Variants in PRKAR1A observed in about 807,000 individuals in gnomAD.
The protein encoded by PRKAR1A is cAMP-dependent protein kinase type I-alpha regulatory subunit.
PRKAR1A carries 3 observed loss-of-function variants against 52.0 expected under a neutral mutation model. That is an observed-to-expected ratio of 0.06 (90% CI 0.03 to 0.15). The LOEUF (loss-of-function observed/expected upper bound fraction) is 0.15. PRKAR1A is among the 10% of genes least tolerant of loss of function. PRKAR1A has a pLI of 1.00. For synonymous variants in PRKAR1A, 188 were observed against 168.4 expected (o/e 1.12, Z -0.90); for missense variants, 240 against 477.4 (o/e 0.50, Z 4.63).
At chr17:68,493,461 C>T in the PRKAR1A span, among the ~76,000 whole-genome samples, 5 of 152,098 alleles carry the variant, frequency 3.3e-5, no homozygotes, top group Admixed American at 3.3e-4. Flanking sequence ...TAGCTGATTC[C>T]CCCCGCACGT....
chr17:68,492,200 A>G, the PRKAR1A span, among the ~76,000 whole-genome samples: 3 of 152,208 alleles, frequency 2.0e-5, no homozygotes, highest in Non-Finnish European at 2.9e-5. Flanking sequence ...GCAGGTGCTC[A>G]AGGCCGCTTT....
At chr17:68,464,953 T>G in the PRKAR1A span, among the ~76,000 whole-genome samples, 1 of 146,312 alleles carries the variant, frequency 6.8e-6, no homozygotes, top group Non-Finnish European at 1.5e-5. Context: ...TTAGACGGAG[T>G]CTTGCTCTGT....
chr17:68,434,650 T>A, the PRKAR1A span: 1 of 1,613,076 alleles, frequency 6.2e-7, no homozygotes, highest in Admixed American at 1.7e-5. Flanking sequence ...CAGGTGGACA[T>A]TTCATAACCA....
chr17:68,510,372 G>A (rs191328270), upstream of PRKAR1A, among the ~76,000 whole-genome samples: 43 of 152,234 alleles, frequency 2.8e-4, no homozygotes, highest in East Asian at 8.3e-3. Flanking sequence ...TATGTGTAAA[G>A]CCCTTAGATC....
At chr17:68,444,378 A>G in the PRKAR1A span, 2 of 905,688 alleles carry the variant, frequency 2.2e-6, no homozygotes. Context: ...AAACCTCACT[A>G]AGACTCAAAA....
chr17:68,540,564 G>C lies in PRKAR1A; in HGVS notation c.974-10520G>C, dbSNP rs772449088. The C allele has an allele frequency of 2.3e-4, 121 of 535,136 alleles. No homozygotes were observed. The Admixed American group carries it at 2.7e-3, about 12-fold the overall frequency. The allele number at this position is 535,136 out of a possible 1,614,324, so 33.1% of individuals were successfully genotyped here. A position where few individuals can be genotyped will look rare whatever the true frequency, so the allele number is the denominator to read the frequency against. On this transcript the variant is annotated intron_variant, in intron 11 of 11. Coordinates refer to the PRKAR1A transcript ENST00000585981. The stretch of plus-strand genomic sequence containing the variant: ...CTTCCTACCTGGTTTCCCCTCACTT[G>C]GTGAAGTGAACATACAGCTTCCAAT...
At position 68,532,441 on chromosome 17, in the gene PRKAR1A, A is replaced by C; in HGVS notation, c.*1992A>C. ...CTGTTTACTCCCTTCTGTAGTTTTT[A>C]ATTAAAAACTTTAAAGATAAGTCTA... On this transcript the variant is annotated 3_prime_UTR_variant, in exon 11 of 11. Coordinates refer to ENST00000589228, the MANE Select transcript of PRKAR1A (RefSeq NM_002734.5). 1.9e-6 allele frequency: 2 copies of C among 1,061,034 alleles called. No individual in the cohort carries two copies. The highest frequency in any genetic ancestry group is 2.3e-6 in the Non-Finnish European group (2 of 875,222). 65.7% of individuals were successfully genotyped at this position (1,061,034 alleles called of 1,614,324 possible).
chr17:68,490,760 G>C, the PRKAR1A span, among the ~76,000 whole-genome samples: 1 of 152,056 alleles, frequency 6.6e-6, no homozygotes, highest in Admixed American at 6.6e-5. Context: ...ATCCTGAATG[G>C]GGCATCCCTC....
chr17:68,470,281 C>T, the PRKAR1A span, among the ~76,000 whole-genome samples: 1 of 152,162 alleles, frequency 6.6e-6, no homozygotes, highest in African/African-American at 2.4e-5. Flanking sequence ...AGGGTTTCAC[C>T]ACATTGGTCA....
the PRKAR1A span, among the ~76,000 whole-genome samples, chr17:68,442,235 G>A: frequency 3.3e-5 from 5 of 152,138 alleles, no homozygotes; most frequent in Non-Finnish European, 5.9e-5. Context: ...AGGCCAAGGC[G>A]GGCGGATCAC....
chr17:68,455,896 G>C, the PRKAR1A span, among the ~76,000 whole-genome samples: 2 of 152,106 alleles, frequency 1.3e-5, no homozygotes, highest in African/African-American at 4.8e-5. Flanking sequence ...AATTGGGAAG[G>C]AAAACATCAC....
the PRKAR1A span, among the ~76,000 whole-genome samples, chr17:68,487,810 AAAAAAG>A: frequency 3.9e-5 from 6 of 151,970 alleles, no homozygotes; most frequent in African/African-American, 1.2e-4. Context: ...AGACAAAAAA[AAAAAAG>A]AAAAAAGAAA....
the PRKAR1A span, among the ~76,000 whole-genome samples, chr17:68,486,492 T>C: frequency 1.9e-5 from 1 of 52,784 alleles, no homozygotes; most frequent in Admixed American, 2.4e-4. Flanking sequence ...CTTCCTTCCT[T>C]CCTTCCTTCC....
At chr17:68,462,213 T>G in the PRKAR1A span, among the ~76,000 whole-genome samples, 1 of 152,224 alleles carries the variant, frequency 6.6e-6, no homozygotes, top group Admixed American at 6.5e-5. Flanking sequence ...GCCTCCAGAA[T>G]AGCCTTCCTA....
the PRKAR1A span, chr17:68,444,633 A>G: frequency 6.5e-7 from 1 of 1,526,954 alleles, no homozygotes; most frequent in Non-Finnish European, 9.0e-7. Context: ...CGTTCCTTAC[A>G]AAGACCCTGA....
the PRKAR1A span, among the ~76,000 whole-genome samples, chr17:68,438,467 G>A: frequency 2.3e-4 from 35 of 152,242 alleles, no homozygotes; most frequent in African/African-American, 8.4e-4. Flanking sequence ...TGTCTTGTGT[G>A]CTGGGTTCCC....
intron 11 of PRKAR1A, chr17:68,539,532 G>T: frequency 1.3e-6 from 1 of 777,936 alleles, no homozygotes; most frequent in Non-Finnish European, 2.3e-6. Context: ...TGCCTCTCCA[G>T]CCCCTCTCCC....
the PRKAR1A span, among the ~76,000 whole-genome samples, chr17:68,484,172 G>A: frequency 6.6e-6 from 1 of 152,188 alleles, no homozygotes; most frequent in Non-Finnish European, 1.5e-5. Context: ...GTAATATGGG[G>A]GAGAACTGAC....
the PRKAR1A span, among the ~76,000 whole-genome samples, chr17:68,496,941 A>G: frequency 6.9e-6 from 1 of 145,282 alleles, no homozygotes; most frequent in African/African-American, 2.6e-5. Flanking sequence ...CTCCTGCCTC[A>G]GCCCCACAAA....
Sources: gnomAD v4.1 joint callset for allele counts (sites outside exome capture counted in the v4.1 genomes callset) on GRCh38, gnomAD v4.1.1 for gene constraint, MANE v1.5 for transcripts, NCBI Gene and HGNC (gene_info 2026-07-23, HGNC 2026-07-21) for gene names.